Variants in ABTB3 observed in about 807,000 individuals in gnomAD.
ABTB3 encodes ankyrin repeat and BTB domain containing 3.
the ABTB3 span, chr12:107,657,935 C>G: frequency 1.7e-6 from 1 of 589,600 alleles, no homozygotes; most frequent in South Asian, 2.0e-5. Context: ...AACTGGACAA[C>G]CAAGTTAACC....
chr12:107,525,585 T>C, the ABTB3 span, among the ~76,000 whole-genome samples: 1 of 152,176 alleles, frequency 6.6e-6, no homozygotes, highest in African/African-American at 2.4e-5. Context: ...CAGTCTATGA[T>C]GTTCGTCCAA....
At chr12:107,657,810 T>A in the ABTB3 span, 1 of 1,390,588 alleles carries the variant, frequency 7.2e-7, no homozygotes, top group South Asian at 1.2e-5. Flanking sequence ...ACCTGGCACC[T>A]GTTTTTGGCT....
At chr12:107,451,937 G>C in the ABTB3 span, among the ~76,000 whole-genome samples, 1 of 152,196 alleles carries the variant, frequency 6.6e-6, no homozygotes, top group Non-Finnish European at 1.5e-5. Context: ...CAAGCTGAGT[G>C]GGAAGCACTG....
chr12:107,587,508 C>T, the ABTB3 span, among the ~76,000 whole-genome samples: 1 of 151,620 alleles, frequency 6.6e-6, no homozygotes, highest in South Asian at 2.1e-4. Flanking sequence ...ACCCTGGTGG[C>T]GGGGGAGCAG....
At chr12:107,456,860 CTTT>C in the ABTB3 span, among the ~76,000 whole-genome samples, 1 of 144,812 alleles carries the variant, frequency 6.9e-6, no homozygotes. Flanking sequence ...TCTTTCTTTT[CTTT>C]TTTTTTTTTC....
chr12:107,365,087 C>T, the ABTB3 span, among the ~76,000 whole-genome samples: 1 of 152,182 alleles, frequency 6.6e-6, no homozygotes, highest in African/African-American at 2.4e-5. Flanking sequence ...AATTCCAGAG[C>T]TAACACCTAC....
the ABTB3 span, chr12:107,581,400 C>A: frequency 1.9e-6 from 2 of 1,063,156 alleles, no homozygotes; most frequent in Non-Finnish European, 2.4e-6. Flanking sequence ...GCGGCCTGAG[C>A]CCCGCACACC....
the ABTB3 span, among the ~76,000 whole-genome samples, chr12:107,489,332 C>T: frequency 6.6e-5 from 10 of 152,204 alleles, no homozygotes; most frequent in Non-Finnish European, 8.8e-5. Context: ...ACCAGCCTGA[C>T]CAACATCGTG....
the ABTB3 span, among the ~76,000 whole-genome samples, chr12:107,464,206 AGTGTGTGTGTGTGTGT>A: frequency 0.075 from 9,993 of 133,580 alleles, 566 homozygotes; most frequent in African/African-American, 0.16. Context: ...ACATGTGAAG[AGTGTGTGTGTGTGTGT>A]GTGTGTGTGT....
chr12:107,468,255 C>T, the ABTB3 span, among the ~76,000 whole-genome samples: 1 of 152,164 alleles, frequency 6.6e-6, no homozygotes, highest in East Asian at 1.9e-4. Context: ...TGCAGGTGAG[C>T]TGGAGCCAGC....
the ABTB3 span, chr12:107,319,917 C>T: frequency 4.8e-6 from 7 of 1,465,134 alleles, no homozygotes; most frequent in Non-Finnish European, 6.4e-6. Context: ...GCAGTCCCGC[C>T]GGCAGCCGCC....
At chr12:107,452,593 G>A in the ABTB3 span, among the ~76,000 whole-genome samples, 12 of 151,764 alleles carry the variant, frequency 7.9e-5, no homozygotes, top group Non-Finnish European at 1.5e-4. Flanking sequence ...GCTCACACCT[G>A]TAATCCCGGG....
the ABTB3 span, among the ~76,000 whole-genome samples, chr12:107,396,598 TTTA>T: frequency 0.12 from 6,620 of 56,402 alleles, 153 homozygotes; most frequent in African/African-American, 0.13. Flanking sequence ...TTTTTTTTTT[TTTA>T]GCATGGTGAA....
At chr12:107,612,939 G>A in the ABTB3 span, 7 of 1,436,974 alleles carry the variant, frequency 4.9e-6, no homozygotes, top group East Asian at 2.4e-5. Context: ...AGAAAGGGGG[G>A]CTTTTTCTCC....
chr12:107,606,952 T>A, the ABTB3 span, among the ~76,000 whole-genome samples: 4 of 152,172 alleles, frequency 2.6e-5, no homozygotes, highest in Admixed American at 6.5e-5. Flanking sequence ...CTCTGTCATG[T>A]TCATTTTGCC....
At chr12:107,618,911 A>C in the ABTB3 span, among the ~76,000 whole-genome samples, 1 of 152,144 alleles carries the variant, frequency 6.6e-6, no homozygotes, top group Non-Finnish European at 1.5e-5. Context: ...TCAGAGGGCA[A>C]AGCCACTCTC....
At chr12:107,484,599 T>A in the ABTB3 span, among the ~76,000 whole-genome samples, 2 of 143,150 alleles carry the variant, frequency 1.4e-5, no homozygotes, top group African/African-American at 2.7e-5. Flanking sequence ...TGATCTGACT[T>A]TTTTTTTTTT....
chr12:107,402,274 C>A, the ABTB3 span, among the ~76,000 whole-genome samples: 1 of 152,166 alleles, frequency 6.6e-6, no homozygotes, highest in Admixed American at 6.5e-5. Context: ...TCCAGGCAGT[C>A]TGACCCTGCA....
chr12:107,452,547 G>A, the ABTB3 span, among the ~76,000 whole-genome samples: 3 of 151,742 alleles, frequency 2.0e-5, no homozygotes, highest in East Asian at 5.9e-4. Flanking sequence ...GGAGGGGAGA[G>A]TCTTAAAAAT....
Sources: allele counts gnomAD v4.1 joint callset (sites outside exome capture counted in the v4.1 genomes callset), GRCh38; gene constraint gnomAD v4.1.1; transcripts MANE v1.5; gene names NCBI Gene and HGNC (gene_info 2026-07-23, HGNC 2026-07-21).